Variants in SORCS3 observed in about 807,000 individuals in gnomAD.
SORCS3 encodes the protein sortilin related VPS10 domain containing receptor 3.
SORCS3 carries 57 observed loss-of-function variants against 146.3 expected under a neutral mutation model. The observed-to-expected ratio is 0.39, with a 90% CI of 0.31 to 0.49. SORCS3 has a LOEUF of 0.49. Ranked by LOEUF, SORCS3 falls within the 20% of genes least tolerant of loss-of-function variation. The pLI, the probability that SORCS3 is intolerant of heterozygous loss-of-function variation, is 0.92. For missense variants in SORCS3, 1,341 were observed against 1,575.5 expected, an observed-to-expected ratio of 0.85 and a Z score of 2.52; for synonymous variants, 653 against 618.5, an observed-to-expected ratio of 1.06 and a Z score of -0.83.
At chr10:104,652,510 C>T (rs1589447473) in intron 1 of SORCS3, among the ~76,000 whole-genome samples, 1 of 152,158 alleles carries the variant, frequency 6.6e-6, no homozygotes, top group African/African-American at 2.4e-5. Flanking sequence ...TACCTCACCT[C>T]TCCTTCATTC....
intron 1 of SORCS3, among the ~76,000 whole-genome samples, chr10:104,667,362 C>T (rs1589451739): frequency 6.6e-6 from 1 of 152,158 alleles, no homozygotes; most frequent in South Asian, 2.1e-4. Context: ...TGAGATCTTC[C>T]TGCCTGCCCT....
intron 1 of SORCS3, among the ~76,000 whole-genome samples, chr10:104,780,200 C>T (rs554182500): frequency 6.6e-6 from 1 of 151,532 alleles, no homozygotes; most frequent in South Asian, 2.1e-4. Context: ...CTTCAAGACA[C>T]TGTGAATTGG....
In SORCS3 at chr10:105,217,101, G is replaced by C; in HGVS notation, c.2713G>C (p.Val905Leu). The change falls in exon 19 of 27, where the codon GTC becomes CTC. Residue 905 changes from valine to leucine, a missense_variant. By Grantham distance (32) the Val-to-Leu change is conservative. Coordinates refer to ENST00000369701, the MANE Select transcript of SORCS3 (RefSeq NM_014978.3). ...AENNLGSDTA[V>L]LFLHVVCPVE... ...GAACAACCTTGGCTCAGACACAGCT[G>C]TCCTCTTCCTGCATGTGGTTTGTAA... The C allele has an allele frequency of 1.2e-6, 2 of 1,614,084 alleles. No individual in the cohort carries two copies. The highest frequency in any genetic ancestry group is 1.7e-6 in the Non-Finnish European group (2 of 1,180,010).
chr10:104,750,366 T>C lies in SORCS3; in HGVS notation c.628-92426T>C, dbSNP rs961392888. The stretch of plus-strand genomic sequence containing the variant: ...TTCCTTGTGGTATCTTTGTGGCCAA[T>C]ATGGAATGTATTTGTATGTAAGGAA... On this transcript the variant is annotated intron_variant, in intron 1 of 26. Transcript: ENST00000369701. Among the ~76,000 whole-genome samples, 5 of 152,290 alleles carry C rather than the reference T, an allele frequency of 3.3e-5. No individual in the cohort carries two copies. In the East Asian group the frequency reaches 9.7e-4, roughly 29 times the overall value.
intron 14 of SORCS3, among the ~76,000 whole-genome samples, chr10:105,182,331 A>G (rs1248592780): frequency 6.9e-6 from 1 of 145,802 alleles, no homozygotes; most frequent in Non-Finnish European, 1.5e-5. Flanking sequence ...GGTAGATAGG[A>G]TTGGCATCAT....
Position 105,200,071 on chromosome 10 carries a change from G to A in SORCS3, c.2082G>A (p.Arg694=), listed in dbSNP as rs755808403. 4.3e-6 allele frequency: 7 copies of A among 1,613,544 alleles called. No homozygotes were observed. The highest frequency in any genetic ancestry group is 3.3e-5 in the Admixed American group (2 of 59,968). Residue 694 remains arginine, a synonymous_variant, in exon 15 of 27, where the codon CGG becomes CGA. Coordinates refer to ENST00000369701, the MANE Select transcript of SORCS3 (RefSeq NM_014978.3). ...TGGACTACAAATCTATCTTCAGCCG[G>A]CATTGCACCAAGGAGGACTATCAGA... ...VKVDYKSIFS[R]HCTKEDYQTW... is the part of the protein sequence containing the mutation.
At chr10:104,921,410 A>C (rs1215014146) in intron 3 of SORCS3, among the ~76,000 whole-genome samples, 1 of 152,064 alleles carries the variant, frequency 6.6e-6, no homozygotes, top group Non-Finnish European at 1.5e-5. Context: ...GAGACAGTGC[A>C]TTGGAAATGG....
chr10:104,743,633 C>A (rs2016875361), intron 1 of SORCS3, among the ~76,000 whole-genome samples: 1 of 152,086 alleles, frequency 6.6e-6, no homozygotes, highest in African/African-American at 2.4e-5. Context: ...TTTAACCATG[C>A]CTAAGAAGTT....
chr10:104,992,540 T>C (rs554268737), intron 4 of SORCS3, among the ~76,000 whole-genome samples: 62 of 152,358 alleles, frequency 4.1e-4, no homozygotes, highest in African/African-American at 1.4e-3. Flanking sequence ...AAGTTTATCA[T>C]TGGCTTCCCC....
At chr10:104,810,728 G>A (rs920617871) in intron 1 of SORCS3, among the ~76,000 whole-genome samples, 2 of 152,160 alleles carry the variant, frequency 1.3e-5, no homozygotes, top group South Asian at 4.1e-4. Flanking sequence ...AATTTACTTT[G>A]CTGAAAGGTG....
chr10:105,164,417 A>G (rs1249297151), intron 12 of SORCS3, 38 bp downstream of exon 12: 5 of 1,381,456 alleles, frequency 3.6e-6, no homozygotes, highest in Non-Finnish European at 4.1e-6. Context: ...GGAGGCATTT[A>G]GAGTAAGTTC....
At chr10:105,189,755 T>G (rs1200681697) in intron 14 of SORCS3, among the ~76,000 whole-genome samples, 4 of 152,148 alleles carry the variant, frequency 2.6e-5, no homozygotes, top group Non-Finnish European at 5.9e-5. Context: ...TTTCCCCAGC[T>G]AGCATGTGAA....
intron 16 of SORCS3, among the ~76,000 whole-genome samples, chr10:105,204,837 G>A (rs2056593079): frequency 1.3e-5 from 2 of 152,224 alleles, no homozygotes; most frequent in Admixed American, 6.5e-5. Context: ...ATTTGAAATT[G>A]TCTTCTTGTT....
At chr10:104,730,763 T>G (rs1039537687) in intron 1 of SORCS3, among the ~76,000 whole-genome samples, 1 of 152,200 alleles carries the variant, frequency 6.6e-6, no homozygotes, top group African/African-American at 2.4e-5. Context: ...GCAGGAGAGA[T>G]AATGAGAGCC....
intron 13 of SORCS3, among the ~76,000 whole-genome samples, chr10:105,172,963 T>A (rs1186909551): frequency 6.6e-6 from 1 of 152,140 alleles, no homozygotes; most frequent in Non-Finnish European, 1.5e-5. Flanking sequence ...GTCTTGGTGT[T>A]TTTGTTTTTT....
chr10:104,675,738 C>T (rs2015905569), intron 1 of SORCS3, among the ~76,000 whole-genome samples: 1 of 152,214 alleles, frequency 6.6e-6, no homozygotes, highest in African/African-American at 2.4e-5. Context: ...CTAATACCAA[C>T]ATCACACTGT....
At position 105,241,078 on chromosome 10, in the gene SORCS3, A is replaced by AT. The variant is rs1393007186; in HGVS notation, c.2869-4457dup. On this transcript the variant is annotated intron_variant, in intron 20 of 26. Transcript: ENST00000369701. ...TATGAATAAGCCACTATGAACATTT[A>AT]TTTTTTTGTTTGTATACTTGTGTCT... Among the ~76,000 whole-genome samples, 4 of 152,018 alleles carry AT rather than the reference A, an allele frequency of 2.6e-5. No individual in the cohort carries two copies. The South Asian group carries it at 8.3e-4, about 32-fold the overall frequency.
At chr10:105,146,271 A>T (rs879466394) in intron 8 of SORCS3, among the ~76,000 whole-genome samples, 1 of 152,124 alleles carries the variant, frequency 6.6e-6, no homozygotes. Context: ...GCCTACCTAC[A>T]CAGGCAAATG....
At chr10:104,712,688 G>C (rs1003941570) in intron 1 of SORCS3, among the ~76,000 whole-genome samples, 1 of 152,210 alleles carries the variant, frequency 6.6e-6, no homozygotes, top group Non-Finnish European at 1.5e-5. Context: ...TGTTCCTCTT[G>C]CTGAGAAAAT....
Sources: allele counts gnomAD v4.1 joint callset (sites outside exome capture counted in the v4.1 genomes callset), GRCh38; gene constraint gnomAD v4.1.1; transcripts MANE v1.5; gene names NCBI Gene and HGNC (gene_info 2026-07-23, HGNC 2026-07-21).